GLB1: variants seen among roughly 807,000 people sequenced by gnomAD.
GLB1 encodes galactosidase beta 1, also known as beta-galactosidase.
Under a neutral mutation model 74.0 loss-of-function variants are expected in GLB1, and 56 were observed. The ratio of observed to expected loss-of-function variants is 0.76; its 90% CI spans 0.61 to 0.94. The LOEUF is 0.94. Among genes scored for constraint, GLB1 ranks in the 40% least tolerant of loss-of-function variants. The pLI, the probability that GLB1 is intolerant of heterozygous loss-of-function variation, is 0.00. For synonymous variants in GLB1, 323 were observed against 323.6 expected (o/e 1.00, Z 0.02); for missense variants, 787 against 845.5 (o/e 0.93, Z 0.86).
chr3:33,091,565 T>C (rs1340978131), intron 1 of GLB1: 1 of 985,366 alleles, frequency 1.0e-6, no homozygotes, highest in East Asian at 1.1e-4. Context: ...GTGTTTACTG[T>C]GCACGCTGTG....
intron 5 of GLB1, among the ~76,000 whole-genome samples, chr3:33,059,695 G>A (rs1424668715): frequency 6.6e-6 from 1 of 152,186 alleles, no homozygotes; most frequent in African/African-American, 2.4e-5. Flanking sequence ...AGCTTCTAGG[G>A]CACTGGCCAC....
At chr3:33,007,393 G>A (rs1203796773) in intron 15 of GLB1, among the ~76,000 whole-genome samples, 4 of 152,160 alleles carry the variant, frequency 2.6e-5, no homozygotes, top group African/African-American at 9.7e-5. Context: ...CCCTGCTCTA[G>A]GCAATCACAG....
the GLB1 span, among the ~76,000 whole-genome samples, chr3:32,966,461 A>G: frequency 2.0e-5 from 3 of 152,192 alleles, no homozygotes; most frequent in Non-Finnish European, 4.4e-5. Context: ...CTGTAACCCC[A>G]TTGTATCTAG....
intron 10 of GLB1, among the ~76,000 whole-genome samples, chr3:33,035,390 C>A (rs941590243): frequency 2.8e-4 from 42 of 152,102 alleles, no homozygotes; most frequent in African/African-American, 9.2e-4. Context: ...TATGATTGCA[C>A]CACTGCACTC....
intron 6 of GLB1, among the ~76,000 whole-genome samples, chr3:33,055,333 G>A (rs974477417): frequency 2.0e-5 from 3 of 152,224 alleles, no homozygotes; most frequent in East Asian, 1.9e-4. Context: ...GAAAAATGCC[G>A]TGCTTTTTCA....
At chr3:32,979,234 C>T in the GLB1 span, among the ~76,000 whole-genome samples, 1 of 152,020 alleles carries the variant, frequency 6.6e-6, no homozygotes, top group African/African-American at 2.4e-5. Flanking sequence ...CTCCGGTCTC[C>T]CAAAGTGCTG....
chr3:32,977,208 A>T, the GLB1 span, among the ~76,000 whole-genome samples: 2 of 140,140 alleles, frequency 1.4e-5, no homozygotes, highest in South Asian at 2.3e-4. Flanking sequence ...CCTCATCTAG[A>T]TTTTTTTTTT....
At chr3:32,995,844 CAAAAAAA>C (rs71070110), downstream of GLB1, among the ~76,000 whole-genome samples, 1 of 124,242 alleles carries the variant, frequency 8.0e-6, no homozygotes. Context: ...GACCCAGCCT[CAAAAAAA>C]AAAAAAAAAA....
chr3:33,049,741 A>G (rs1698899411), intron 9 of GLB1, among the ~76,000 whole-genome samples: 1 of 152,162 alleles, frequency 6.6e-6, no homozygotes, highest in South Asian at 2.1e-4. Flanking sequence ...TAAGCCCTGC[A>G]TGCATTAGCT....
At chr3:33,047,290 G>C (rs1023520599) in intron 9 of GLB1, among the ~76,000 whole-genome samples, 5 of 152,208 alleles carry the variant, frequency 3.3e-5, no homozygotes, top group Non-Finnish European at 7.3e-5. Flanking sequence ...AGAGGATCCC[G>C]ACCTTGTCAG....
At position 33,047,369 on chromosome 3, in the gene GLB1, A is replaced by C. The variant is rs188765289; in HGVS notation, c.956-1137T>G. On this transcript the variant is annotated intron_variant, in intron 9 of 15. Transcript: ENST00000307363. ...TACTTCAAAAACTTACCCATGCTTA[A>C]GTGTCACATGGAGAGCTTGTTAAAA... is the stretch of plus-strand genomic sequence containing the variant. Among the ~76,000 whole-genome samples the C allele has an allele frequency of 1.5e-4, 23 of 152,308 alleles. No homozygotes were observed. The East Asian group carries it at 3.9e-3, about 26-fold the overall frequency.
intron 5 of GLB1, among the ~76,000 whole-genome samples, chr3:33,062,689 G>C (rs1033175240): frequency 9.9e-5 from 15 of 152,198 alleles, no homozygotes; most frequent in Non-Finnish European, 2.9e-5. Context: ...TCAGGAGGCT[G>C]AGGCAGGAGG....
At chr3:33,085,766 G>A (rs1234398897) in intron 1 of GLB1, among the ~76,000 whole-genome samples, 1 of 152,022 alleles carries the variant, frequency 6.6e-6, no homozygotes, top group Non-Finnish European at 1.5e-5. Context: ...CTCAAGTGCA[G>A]TGGTTCACAC....
intron 9 of GLB1, among the ~76,000 whole-genome samples, chr3:33,046,595 C>T (rs1343441848): frequency 2.0e-5 from 3 of 152,084 alleles, no homozygotes; most frequent in African/African-American, 4.8e-5. Context: ...TGATATGACC[C>T]CCATCTCTGA....
chr3:33,056,713 T>C (rs1699238849), intron 6 of GLB1, among the ~76,000 whole-genome samples: 1 of 152,208 alleles, frequency 6.6e-6, no homozygotes, highest in South Asian at 2.1e-4. Context: ...AGTTTCTCTA[T>C]AAAAATATAC....
At chr3:32,985,586 C>G in the GLB1 span, among the ~76,000 whole-genome samples, 1 of 152,006 alleles carries the variant, frequency 6.6e-6, no homozygotes, top group Non-Finnish European at 1.5e-5. Context: ...GCTACTATGC[C>G]CGGCCTATGT....
At position 33,094,833 on chromosome 3, in the gene GLB1, T is replaced by C. The variant is rs989707045; in HGVS notation, c.75+2178A>G. Among the ~76,000 whole-genome samples, 3 of 152,306 alleles carry C rather than the reference T, an allele frequency of 2.0e-5. No homozygotes were observed. In the East Asian group the frequency reaches 5.8e-4, roughly 29 times the overall value. ...ACAGTGCAACTCTTCACCCTAAAAT[T>C]TGGGGAGAAATACTATTGTTTTTCA... On this transcript the variant is annotated intron_variant, in intron 1 of 15. Coordinates refer to ENST00000307363, the MANE Select transcript of GLB1 (RefSeq NM_000404.4).
At chr3:33,094,095 C>T (rs1700897908) in intron 1 of GLB1, 1 of 1,614,254 alleles carries the variant, frequency 6.2e-7, no homozygotes, top group Non-Finnish European at 8.5e-7. Flanking sequence ...GAGCTCAAGG[C>T]TCTCTGCCAG....
intron 1 of GLB1, among the ~76,000 whole-genome samples, chr3:33,075,194 T>C (rs1369913751): frequency 1.3e-5 from 2 of 152,198 alleles, no homozygotes; most frequent in African/African-American, 4.8e-5. Context: ...GTCAAATAAG[T>C]GTTCCTCACA....
Sources: gnomAD v4.1 joint callset for allele counts (sites outside exome capture counted in the v4.1 genomes callset) on GRCh38, gnomAD v4.1.1 for gene constraint, MANE v1.5 for transcripts, NCBI Gene and HGNC (gene_info 2026-07-23, HGNC 2026-07-21) for gene names.